ALG13: variants seen among roughly 807,000 people sequenced by gnomAD.
ALG13 encodes the protein UDP-N-acetylglucosamine transferase subunit ALG13.
Under a neutral mutation model 87.8 loss-of-function variants are expected in ALG13, and 11 were observed. That is an observed-to-expected ratio of 0.13 (90% CI 0.08 to 0.21). ALG13 has a LOEUF of 0.21. Among genes scored for constraint, ALG13 ranks in the 10% least tolerant of loss-of-function variants. The pLI, the probability that ALG13 is intolerant of heterozygous loss-of-function variation, is 1.00. For missense variants in ALG13, 756 were observed against 866.1 expected (o/e 0.87, Z 1.60); for synonymous variants, 320 against 306.3 (o/e 1.04, Z -0.47).
chrX:111,713,089 A>G (rs377753308), intron 7 of ALG13, 136 bp from the exon 8 acceptor site: 167 of 428,860 alleles, frequency 3.9e-4, no homozygotes, highest in South Asian at 1.6e-3. Context: ...TTTTAAAGCC[A>G]AACATTAAAC....
At chrX:111,683,324 C>CTTTTTTTTT (rs1487158124) in intron 2 of ALG13, among the ~76,000 whole-genome samples, 4 of 93,293 alleles carry the variant, frequency 4.3e-5, no homozygotes, top group Admixed American at 1.2e-4. Context: ...TCCTTTCTTT[C>CTTTTTTTTT]TATTTTTTTT....
chrX:111,690,654 G>C (rs1011428736), intron 3 of ALG13, among the ~76,000 whole-genome samples: 5 of 107,182 alleles, frequency 4.7e-5, no homozygotes, highest in South Asian at 4.1e-4. Context: ...GGGTTTCACC[G>C]TGTTGCCCAG....
intron 11 of ALG13, among the ~76,000 whole-genome samples, 179 bp downstream of exon 11, chrX:111,720,349 A>T (rs887797131): frequency 8.9e-6 from 1 of 112,426 alleles, no homozygotes; most frequent in Middle Eastern, 4.2e-3. Context: ...TGTTCTTTGA[A>T]TTCTTATTTT....
At chrX:111,690,411 T>G (rs1431193721) in intron 3 of ALG13, 1 of 748,952 alleles carries the variant, frequency 1.3e-6, no homozygotes, top group Non-Finnish European at 1.6e-6. Context: ...AAAAGAGATG[T>G]GATGTTTTGG....
chrX:111,735,578 C>T (rs541674106), intron 22 of ALG13, among the ~76,000 whole-genome samples: 5 of 111,067 alleles, frequency 4.5e-5, no homozygotes, highest in South Asian at 3.9e-4. Context: ...AGAAAATGGG[C>T]AGAGAAGGAC....
chrX:111,739,309 G>A (rs1487025522), intron 23 of ALG13, among the ~76,000 whole-genome samples: 1 of 112,059 alleles, frequency 8.9e-6, no homozygotes, highest in Non-Finnish European at 1.9e-5. Flanking sequence ...CCATGATCCA[G>A]CCACCTCCCA....
intron 8 of ALG13, among the ~76,000 whole-genome samples, chrX:111,716,388 C>T (rs187725729): frequency 8.9e-6 from 1 of 111,950 alleles, no homozygotes; most frequent in African/African-American, 3.2e-5. Context: ...AGTTGTCTGT[C>T]TTCTTTCTAT....
At chrX:111,689,180 C>A in intron 3 of ALG13, 1 of 737,439 alleles carries the variant, frequency 1.4e-6, no homozygotes, top group Non-Finnish European at 1.6e-6. Context: ...TAAAATTTTG[C>A]TGAGAATAAT....
rs1461919285 is a variant in ALG13 at position 111,690,195 on chromosome X, ATTTG to A, written c.383+5097_383+5100del. On this transcript the variant is annotated intron_variant, in intron 3 of 26. Coordinates refer to ENST00000394780, the MANE Select transcript of ALG13 (RefSeq NM_001099922.3). The stretch of plus-strand genomic sequence containing the variant: ...AAAGTCTGTTTGAAATGTTTGCTCT[ATTTG>A]TTTGGTTTCATTACATGACAGAGCT... The A allele has an allele frequency of 5.3e-6, 4 of 751,140 alleles. No individual in the cohort carries two copies. The African/African-American group carries it at 9.2e-5, about 17-fold the overall frequency. 61.9% of individuals were successfully genotyped at this position (751,140 alleles called of 1,213,427 possible). A position where few individuals can be genotyped will look rare whatever the true frequency, so the allele number is the denominator to read the frequency against.
At position 111,708,230 on chromosome X, in the gene ALG13, C is replaced by G. The variant is rs1939124279; in HGVS notation, c.587C>G (p.Pro196Arg). The G allele has an allele frequency of 1.7e-6, 2 of 1,209,722 alleles. No homozygotes were observed. Among genetic ancestry groups the G allele is most frequent in the Non-Finnish European group, 2.2e-6 (2 of 895,127 alleles). The change falls in exon 4 of 27, where the codon CCT becomes CGT. Residue 196 changes from proline (P) to arginine (R), a missense_variant. This residue lies in a region of ALG13 where 153 missense variants were observed against 168.7 expected (regional missense o/e 0.91). Coordinates refer to ENST00000394780, the MANE Select transcript of ALG13 (RefSeq NM_001099922.3). ...FPSCHAFFPL[P>R]LTPTLYKMHK... Reference sequence around the variant, plus strand: ...TCTTGCCACGCTTTTTTTCCTCTCCCTCTTACCCCCACCCTGTACAAAATG... The same window carrying G: ...TCTTGCCACGCTTTTTTTCCTCTCCGTCTTACCCCCACCCTGTACAAAATG...
chrX:111,692,063 G>A (rs1267489725), intron 3 of ALG13, among the ~76,000 whole-genome samples: 3 of 111,264 alleles, frequency 2.7e-5, no homozygotes, highest in African/African-American at 6.5e-5. Flanking sequence ...CTGTCTGTCT[G>A]TTAATTCTGT....
rs762651264 is a variant in ALG13 at position 111,703,399 on chromosome X, A to C, written c.384-4628A>C. Among the ~76,000 whole-genome samples, 4 of 111,575 alleles carry C rather than the reference A, an allele frequency of 3.6e-5. No individual in the cohort carries two copies. The South Asian group carries it at 1.5e-3, about 42-fold the overall frequency. ...TTGTTTTACTTAACTGTTAAATTTA[A>C]ATACAGTAAAATTGGCCTGTTTTCT... On this transcript the variant is annotated intron_variant, in intron 3 of 26. Transcript: ENST00000394780.
chrX:111,687,476 A>G, intron 3 of ALG13, among the ~76,000 whole-genome samples: 1 of 112,139 alleles, frequency 8.9e-6, no homozygotes, highest in Non-Finnish European at 1.9e-5. Context: ...GTCTTCATGC[A>G]TGGTCTAGTA....
At position 111,708,236 on chromosome X, in the gene ALG13, C is replaced by T. The variant is rs1939125465; in HGVS notation, c.593C>T (p.Thr198Ile). Residue 198 changes from threonine to isoleucine, a missense_variant, in exon 4 of 27, where the codon ACC becomes ATC. Around this residue, in one of 9 missense-constraint regions of ALG13, gnomAD observed 153 missense variants for 168.7 expected, o/e 0.91. Coordinates refer to ENST00000394780, the MANE Select transcript of ALG13 (RefSeq NM_001099922.3). Reference sequence around the variant, plus strand: ...CACGCTTTTTTTCCTCTCCCTCTTACCCCCACCCTGTACAAAATGCATAAA... The same window carrying T: ...CACGCTTTTTTTCCTCTCCCTCTTATCCCCACCCTGTACAAAATGCATAAA... ...SCHAFFPLPL[T>I]PTLYKMHKGW... 8.3e-6 allele frequency: 10 copies of T among 1,209,717 alleles called. No homozygotes were observed. Among genetic ancestry groups the T allele is most frequent in the African/African-American group, 1.8e-5 (1 of 57,104 alleles).
intron 8 of ALG13, among the ~76,000 whole-genome samples, chrX:111,715,668 A>G (rs1940475910): frequency 8.9e-6 from 1 of 112,597 alleles, no homozygotes; most frequent in Non-Finnish European, 1.9e-5. Flanking sequence ...CAGTGAGCCA[A>G]GATTGCGCCG....
intron 4 of ALG13, 99 bp downstream of exon 4, chrX:111,708,492 T>C: frequency 9.7e-7 from 1 of 1,026,968 alleles, no homozygotes; most frequent in Non-Finnish European, 1.3e-6. Flanking sequence ...TTCCCCTGCT[T>C]TCTAGTGAAA....
intron 21 of ALG13, chrX:111,734,341 C>A (rs995506292): frequency 2.7e-5 from 3 of 112,400 alleles, no homozygotes; most frequent in Non-Finnish European, 3.8e-5. Flanking sequence ...AACTTCTGAG[C>A]CAGGGCAAAT....
At chrX:111,686,785 A>G (rs1426091265) in intron 3 of ALG13, among the ~76,000 whole-genome samples, 2 of 112,584 alleles carry the variant, frequency 1.8e-5, no homozygotes, top group Non-Finnish European at 3.7e-5. Context: ...CTGATTTCAT[A>G]AACATATCCT....
At chrX:111,715,678 G>A (rs886790636) in intron 8 of ALG13, among the ~76,000 whole-genome samples, 7 of 112,306 alleles carry the variant, frequency 6.2e-5, no homozygotes, top group Non-Finnish European at 1.3e-4. Flanking sequence ...AGATTGCGCC[G>A]CTGCACTCCA....
Sources: gnomAD v4.1 joint callset for allele counts (sites outside exome capture counted in the v4.1 genomes callset) on GRCh38, gnomAD v4.1.1 for gene constraint, gnomAD v4.1.1 regional missense constraint, MANE v1.5 for transcripts, NCBI Gene and HGNC (gene_info 2026-07-23, HGNC 2026-07-21) for gene names.